The following CCNY variants were observed in gnomAD, a reference collection of about 807,000 sequenced individuals.
CCNY encodes cyclin Y.
A neutral mutation model predicts 42.8 loss-of-function variants in CCNY; 19 were observed. The ratio of observed to expected loss-of-function variants is 0.44; its 90% CI spans 0.31 to 0.65. The LOEUF (loss-of-function observed/expected upper bound fraction) is 0.65, where lower values mean the gene tolerates loss of function less well. CCNY is among the 30% of genes least tolerant of loss of function. CCNY has a pLI of 0.07. For missense variants in CCNY, 370 were observed against 437.3 expected (o/e 0.85, Z 1.37); for synonymous variants, 165 against 162.7 (o/e 1.01, Z -0.11).
chr10:35,247,937 A>G (rs559243560), intron 1 of CCNY, among the ~76,000 whole-genome samples: 29 of 152,058 alleles, frequency 1.9e-4, no homozygotes, highest in African/African-American at 7.0e-4. Flanking sequence ...AAATGAAAAA[A>G]AAAAGAAAAA....
chr10:35,303,486 G>C (rs1835562919), intron 3 of CCNY, among the ~76,000 whole-genome samples: 1 of 150,712 alleles, frequency 6.6e-6, no homozygotes, highest in Admixed American at 6.6e-5. Context: ...TAAAAAGAAA[G>C]AGGAAAGAAG....
At chr10:35,259,964 C>G (rs377374662) in intron 3 of CCNY, among the ~76,000 whole-genome samples, 2 of 151,812 alleles carry the variant, frequency 1.3e-5, no homozygotes, top group African/African-American at 4.8e-5. Context: ...CAAACTCTTA[C>G]AGCCATTTTC....
At chr10:35,490,044 G>T (rs1839866007) in intron 2 of CCNY, among the ~76,000 whole-genome samples, 1 of 152,238 alleles carries the variant, frequency 6.6e-6, no homozygotes, top group African/African-American at 2.4e-5. Context: ...GAGGTCTTCA[G>T]CGTATCGTGA....
At chr10:35,406,854 G>A (rs930834172) in intron 1 of CCNY, among the ~76,000 whole-genome samples, 1 of 151,926 alleles carries the variant, frequency 6.6e-6, no homozygotes, top group African/African-American at 2.4e-5. Flanking sequence ...TGGCCGGGCG[G>A]GGGGCTGACC....
intron 1 of CCNY, among the ~76,000 whole-genome samples, chr10:35,359,255 A>C (rs1388689127): frequency 6.6e-6 from 1 of 152,110 alleles, no homozygotes; most frequent in African/African-American, 2.4e-5. Context: ...CTGTTGTGTG[A>C]ATCAGGCTGT....
At chr10:35,273,332 G>T (rs1039825175) in intron 3 of CCNY, among the ~76,000 whole-genome samples, 2 of 151,946 alleles carry the variant, frequency 1.3e-5, no homozygotes, top group African/African-American at 4.8e-5. Flanking sequence ...CTTCTGAGTA[G>T]CTGGGATTAC....
At chr10:35,533,274 G>T (rs1241122338) in intron 7 of CCNY, among the ~76,000 whole-genome samples, 1 of 152,168 alleles carries the variant, frequency 6.6e-6, no homozygotes, top group Non-Finnish European at 1.5e-5. Flanking sequence ...ATGACCCAGA[G>T]TTGAAGGAGC....
chr10:35,376,119 C>T (rs1837046639), intron 1 of CCNY, among the ~76,000 whole-genome samples: 1 of 152,184 alleles, frequency 6.6e-6, no homozygotes, highest in Non-Finnish European at 1.5e-5. Flanking sequence ...AGACTTTTAT[C>T]TCAGCATCCC....
intron 1 of CCNY, among the ~76,000 whole-genome samples, chr10:35,461,146 C>T (rs1839149273): frequency 6.6e-6 from 1 of 152,174 alleles, no homozygotes; most frequent in South Asian, 2.1e-4. Flanking sequence ...TGACACTTTC[C>T]ATATCCTGTG....
intron 1 of CCNY, among the ~76,000 whole-genome samples, chr10:35,433,784 T>C (rs1375668933): frequency 6.6e-6 from 1 of 152,186 alleles, no homozygotes; most frequent in Middle Eastern, 3.2e-3. Context: ...ATTTTTTGTA[T>C]TTTTAGTAGA....
intron 1 of CCNY, among the ~76,000 whole-genome samples, chr10:35,479,072 G>A (rs1839593282): frequency 6.6e-6 from 1 of 152,084 alleles, no homozygotes; most frequent in Admixed American, 6.5e-5. Context: ...TCTCACACCA[G>A]TTAGAATGGC....
intron 2 of CCNY, among the ~76,000 whole-genome samples, chr10:35,484,030 A>G (rs986630267): frequency 6.6e-6 from 1 of 151,954 alleles, no homozygotes; most frequent in Admixed American, 6.6e-5. Flanking sequence ...TGTGTGTGGG[A>G]TTTCTTCTAG....
At chr10:35,277,139 G>A (rs577108767) in intron 3 of CCNY, among the ~76,000 whole-genome samples, 5 of 152,302 alleles carry the variant, frequency 3.3e-5, no homozygotes, top group East Asian at 3.9e-4. Context: ...GGGCAGCCTC[G>A]GTTGGGCTTT....
intron 3 of CCNY, among the ~76,000 whole-genome samples, chr10:35,505,428 G>A (rs1435528683): frequency 6.6e-6 from 1 of 151,904 alleles, no homozygotes; most frequent in Admixed American, 6.6e-5. Context: ...CAAAGCATTT[G>A]TCTCAACACT....
chr10:35,287,979 G>C (rs1349178676), intron 3 of CCNY, among the ~76,000 whole-genome samples: 3 of 152,114 alleles, frequency 2.0e-5, no homozygotes, highest in African/African-American at 7.2e-5. Context: ...AAATACCTAG[G>C]AGAGGGATTC....
intron 7 of CCNY, among the ~76,000 whole-genome samples, chr10:35,541,914 AG>A (rs1841009351): frequency 6.7e-6 from 1 of 150,302 alleles, no homozygotes; most frequent in South Asian, 2.1e-4. Flanking sequence ...GATCCCATCC[AG>A]GACACCATAT....
At chr10:35,286,365 T>C (rs1198437424) in intron 3 of CCNY, among the ~76,000 whole-genome samples, 1 of 151,308 alleles carries the variant, frequency 6.6e-6, no homozygotes, top group African/African-American at 2.4e-5. Flanking sequence ...TACCATACTT[T>C]TTTTTTTTTT....
intron 1 of CCNY, among the ~76,000 whole-genome samples, chr10:35,409,390 G>A (rs1478396313): frequency 6.6e-6 from 1 of 152,190 alleles, no homozygotes; most frequent in Admixed American, 6.5e-5. Flanking sequence ...TACCAGCTGT[G>A]GTGAGGGTGT....
intron 1 of CCNY, among the ~76,000 whole-genome samples, chr10:35,350,547 T>C (rs924583385): frequency 6.6e-6 from 1 of 152,188 alleles, no homozygotes; most frequent in Non-Finnish European, 1.5e-5. Flanking sequence ...CTTTGTGGAC[T>C]GTTTGAAATC....
Sources: allele counts gnomAD v4.1 joint callset (sites outside exome capture counted in the v4.1 genomes callset), GRCh38; gene constraint gnomAD v4.1.1; transcripts MANE v1.5; gene names NCBI Gene and HGNC (gene_info 2026-07-23, HGNC 2026-07-21).